The following DDX25 variants were observed in gnomAD, a reference collection of about 807,000 sequenced individuals.
DDX25 encodes DEAD-box helicase 25, also known as ATP-dependent RNA helicase DDX25.
Under a neutral mutation model 64.6 loss-of-function variants are expected in DDX25, and 70 were observed. That is an observed-to-expected ratio of 1.08 (90% CI 0.89 to 1.32). The LOEUF (loss-of-function observed/expected upper bound fraction) is 1.32. Among genes scored for constraint, DDX25 ranks in the 40% most tolerant of loss-of-function variants. The pLI is 0.00. For missense variants in DDX25, 587 were observed against 604.4 expected, an observed-to-expected ratio of 0.97 and a Z score of 0.30; for synonymous variants, 211 against 213.3, an observed-to-expected ratio of 0.99 and a Z score of 0.09.
rs548482997 is a variant in DDX25, at chr11:125,906,823, C to CAAAA, written c.311+628_311+631dup. ...TGGGTGACAGAGTGAGACTCCGTCT[C>CAAAA]AAAAAAAAAAAAAAAAAGGATATTC... On this transcript the variant is annotated intron_variant, in intron 4 of 11. Transcript: ENST00000263576. Among the ~76,000 whole-genome samples the CAAAA allele has an allele frequency of 8.0e-4, 89 of 111,848 alleles. 3 individuals are homozygous for CAAAA. Among genetic ancestry groups the CAAAA allele is most frequent in the African/African-American group, 1.0e-3 (28 of 26,918 alleles). The allele number at this position is 111,848 out of a possible 152,430, so 73.4% of individuals were successfully genotyped here. A position where few individuals can be genotyped will look rare whatever the true frequency, so the allele number is the denominator to read the frequency against.
chr11:125,904,360 C>A (rs1944843463), upstream of DDX25: 1 of 610,762 alleles, frequency 1.6e-6, no homozygotes, highest in Non-Finnish European at 2.4e-6. Flanking sequence ...CCGCGCGCCA[C>A]CCAGCCTTCC....
intron 4 of DDX25, among the ~76,000 whole-genome samples, chr11:125,907,511 G>T (rs975160019): frequency 2.0e-5 from 3 of 152,160 alleles, no homozygotes; most frequent in African/African-American, 4.8e-5. Flanking sequence ...GGGAGGCTGA[G>T]GCAGGAGAAT....
chr11:125,917,368 G>C, intron 9 of DDX25, 117 bp downstream of exon 9: 2 of 935,136 alleles, frequency 2.1e-6, no homozygotes, highest in Non-Finnish European at 3.2e-6. Flanking sequence ...TGTGTCTCCA[G>C]TTTAATCTTC....
At position 125,923,860 on chromosome 11, in the gene DDX25, G is replaced by A. The variant is rs543721147; in HGVS notation, c.*979G>A. ...ACCAAACTGCACCAGTGGCTGCAGT[G>A]AGTGGCCCTGTCATCGGTGGCATGG... On this transcript the variant is annotated 3_prime_UTR_variant, in exon 12 of 12. Transcript: ENST00000263576. The A allele has an allele frequency of 6.6e-6, 1 of 152,308 alleles. No individual in the cohort carries two copies. Among genetic ancestry groups the A allele is most frequent in the East Asian group, 1.9e-4 (1 of 5,178 alleles). 9.4% of individuals were successfully genotyped at this position (152,308 alleles called of 1,614,324 possible).
At position 125,921,166 on chromosome 11, in the gene DDX25, C is replaced by T; in HGVS notation, c.1202-25C>T. The T allele has an allele frequency of 6.3e-7, 1 of 1,596,056 alleles. No individual in the cohort carries two copies. The highest frequency in any genetic ancestry group is 8.5e-7 in the Non-Finnish European group (1 of 1,171,110). ...GTGTACTGAGGAAAGCATTGCAGGA[C>T]CCTACAGTGTTTTTCCTCTTCTAGG... On this transcript the variant is annotated intron_variant, in intron 10 of 11. Transcript: ENST00000263576. The surrounding 1 kb of genome is among the most constrained non-coding windows in gnomAD (Gnocchi z 4.1).
In DDX25 at chr11:125,921,310, A is replaced by G. The variant is rs1565468794; in HGVS notation, c.1321A>G (p.Lys441Glu). The G allele has an allele frequency of 6.2e-7, 1 of 1,613,742 alleles. No homozygotes were observed. Among genetic ancestry groups the G allele is most frequent in the Non-Finnish European group, 8.5e-7 (1 of 1,179,832 alleles). Residue 441 changes from lysine (K) to glutamate (E), a missense_variant, in exon 11 of 12, where the codon AAA (lysine) becomes GAA (glutamate). Lys to Glu is a moderately conservative substitution (Grantham distance 56). Transcript: ENST00000263576. This position sits in a 1 kb window ranked among gnomAD's most constrained non-coding sequence, Gnocchi z 4.1. ...RIGRTGRFGKKGLAFNMIEVD... is the reference protein window; with the variant it reads ...RIGRTGRFGKEGLAFNMIEVD... The stretch of plus-strand genomic sequence containing the variant: ...AGGGCGGACGGGGCGCTTTGGGAAA[A>G]AAGGCCTTGCCTTCAACATGATTGA...
At position 125,924,983 on chromosome 11, in the gene DDX25, T is replaced by C. The variant is rs1164377707; in HGVS notation, c.*2102T>C. The C allele has an allele frequency of 6.0e-6, 1 of 167,408 alleles. No homozygotes were observed. Among genetic ancestry groups the C allele is most frequent in the Non-Finnish European group, 1.3e-5 (1 of 76,788 alleles). The allele number at this position is 167,408 out of a possible 1,614,324, so 10.4% of individuals were successfully genotyped here. On this transcript the variant is annotated 3_prime_UTR_variant, in exon 12 of 12. Coordinates refer to ENST00000263576, the MANE Select transcript of DDX25 (RefSeq NM_013264.5). ...ATTCTAAGTGCCCAAGGAACCTTTG[T>C]CTTTGTTGAGTAAATTTTTTTTTCT...
At chr11:125,904,323 C>CCGCTCTCTGCCCCCG (rs1944842337), upstream of DDX25, 1 of 405,712 alleles carries the variant, frequency 2.5e-6, no homozygotes, top group African/African-American at 2.1e-5. Flanking sequence ...CTCTGCCCCC[C>CCGCTCTCTGCCCCCG]GCCCCGCTCT....
Position 125,921,059 on chromosome 11 carries a change from C to A in DDX25, c.1202-132C>A. 1 of 895,076 alleles carries A rather than the reference C, an allele frequency of 1.1e-6. No individual in the cohort carries two copies. The highest frequency in any genetic ancestry group is 1.6e-6 in the Non-Finnish European group (1 of 608,266). The allele number at this position is 895,076 out of a possible 1,614,324, so 55.4% of individuals were successfully genotyped here. ...AACTTCCTAACCAAAGTACCTGTCT[C>A]AATTACATAAGCCCTGGTTGGATTT... On this transcript the variant is annotated intron_variant, in intron 10 of 11. Coordinates refer to ENST00000263576, the MANE Select transcript of DDX25 (RefSeq NM_013264.5). The surrounding 1 kb of genome is among the most constrained non-coding windows in gnomAD (Gnocchi z 4.1).
chr11:125,905,700 CTT>C (rs1944874393), intron 3 of DDX25, 103 bp downstream of exon 3: 1 of 1,204,096 alleles, frequency 8.3e-7, no homozygotes, highest in Non-Finnish European at 1.2e-6. Flanking sequence ...AAAGGCCTGT[CTT>C]TGCTTCTGTT....
In DDX25 at chr11:125,917,046, T is replaced by C; in HGVS notation, c.833T>C (p.Phe278Ser). 6.2e-7 allele frequency: 1 copy of C among 1,606,134 alleles called. No homozygotes were observed. Among genetic ancestry groups the C allele is most frequent in the South Asian group, 1.1e-5 (1 of 88,584 alleles). Residue 278 changes from phenylalanine (F) to serine (S), a missense_variant, in exon 9 of 12, where the codon TTT becomes TCT. By Grantham distance (155) the Phe-to-Ser change is radical. Transcript: ENST00000263576. Reference sequence around the variant, plus strand: ...CCCTCCGAATGCCAAATGCTCCTCTTTTCAGCAACCTTTGAGGACTCTGTG... The same window carrying C: ...CCCTCCGAATGCCAAATGCTCCTCTCTTCAGCAACCTTTGAGGACTCTGTG... ...ALPSECQMLL[F>S]SATFEDSVWH...
chr11:125,919,521 C>T (rs1945083469), intron 10 of DDX25, among the ~76,000 whole-genome samples: 1 of 144,792 alleles, frequency 6.9e-6, no homozygotes, highest in Non-Finnish European at 1.5e-5. Context: ...AGTTTCTCAT[C>T]TTAAAAGTGT....
chr11:125,910,297 T>C, intron 6 of DDX25, 67 bp from the exon 7 acceptor site: 1 of 1,324,690 alleles, frequency 7.5e-7, no homozygotes, highest in Non-Finnish European at 1.1e-6. Flanking sequence ...AAATTTTTAT[T>C]GCAGTTGAAA....
intron 9 of DDX25, 70 bp from the exon 10 acceptor site, chr11:125,918,558 T>C: frequency 6.8e-7 from 1 of 1,474,044 alleles, no homozygotes; most frequent in Non-Finnish European, 9.2e-7. Flanking sequence ...GCATGCATGG[T>C]GTCACAAGCA....
rs752408327 is a variant in DDX25, at chr11:125,921,411, C to T, written c.1390+32C>T. ...AGCACCACCCTCACAATATGAACTA[C>T]AGACCTGCCGGTCTGACAGTGATGA... On this transcript the variant is annotated intron_variant, in intron 11 of 11. Coordinates refer to ENST00000263576, the MANE Select transcript of DDX25 (RefSeq NM_013264.5). This position sits in a 1 kb window ranked among gnomAD's most constrained non-coding sequence, Gnocchi z 4.1. The T allele has an allele frequency of 6.2e-7, 1 of 1,600,918 alleles. No homozygotes were observed. Among genetic ancestry groups the T allele is most frequent in the Non-Finnish European group, 8.5e-7 (1 of 1,172,384 alleles).
Position 125,917,271 on chromosome 11 carries a change from C to T in DDX25, c.1038+20C>T. 2 of 1,575,530 alleles carry T rather than the reference C, an allele frequency of 1.3e-6. No homozygotes were observed. Among genetic ancestry groups the T allele is most frequent in the Non-Finnish European group, 1.7e-6 (2 of 1,160,524 alleles). On this transcript the variant is annotated intron_variant, in intron 9 of 11. Transcript: ENST00000263576. ...TGCCAGGTACACTCTGTGGATGTGT[C>T]TTCATCGAGCCCAGATATGCCTACA...
Position 125,904,562 on chromosome 11 carries a change from C to T in DDX25, c.45C>T (p.Ser15=). Residue 15 remains serine (S), a synonymous_variant, in exon 1 of 12, where the codon AGC becomes AGT. Transcript: ENST00000263576. ...LWGGDAGAAE[S]ERLNSHFSNL... is the part of the protein sequence containing the mutation. ...GAGGCGACGCAGGGGCGGCGGAGAG[C>T]GAGCGGCTGAACAGCCACGTAACCG... 1 of 1,494,158 alleles carries T rather than the reference C, an allele frequency of 6.7e-7. No homozygotes were observed. 92.6% of individuals were successfully genotyped at this position (1,494,158 alleles called of 1,614,324 possible). A position where few individuals can be genotyped will look rare whatever the true frequency, so the allele number is the denominator to read the frequency against.
chr11:125,914,657 C>T (rs542275927), intron 8 of DDX25, among the ~76,000 whole-genome samples: 1 of 152,322 alleles, frequency 6.6e-6, no homozygotes, highest in East Asian at 1.9e-4. Flanking sequence ...TTCTTGTCAT[C>T]CTCTTACCAA....
intron 6 of DDX25, among the ~76,000 whole-genome samples, chr11:125,909,483 T>A (rs1944937180): frequency 6.6e-6 from 1 of 152,164 alleles, no homozygotes; most frequent in South Asian, 2.1e-4. Context: ...TCAGCATCTT[T>A]ATTCATCAGC....
Sources: gnomAD v4.1 joint callset for allele counts (sites outside exome capture counted in the v4.1 genomes callset) on GRCh38, gnomAD v4.1.1 for gene constraint, Gnocchi (gnomAD v3.1) non-coding constraint, MANE v1.5 for transcripts, NCBI Gene and HGNC (gene_info 2026-07-23, HGNC 2026-07-21) for gene names.